The following ERCC6 variants were observed in gnomAD, a reference collection of about 807,000 sequenced individuals.
ERCC6 encodes the protein ERCC excision repair 6, chromatin remodeling factor, also known as DNA excision repair protein ERCC-6.
A neutral mutation model predicts 158.7 loss-of-function variants in ERCC6; 116 were observed. The observed-to-expected ratio is 0.73, with a 90% CI of 0.63 to 0.85. The LOEUF (loss-of-function observed/expected upper bound fraction) is 0.85, where lower values mean the gene tolerates loss of function less well. ERCC6 is among the 40% of genes least tolerant of loss of function. The pLI is 0.00. For missense variants in ERCC6, 1,698 were observed against 1,799.4 expected (o/e 0.94, Z 1.02); for synonymous variants, 678 against 659.3 (o/e 1.03, Z -0.43).
intron 8 of ERCC6, among the ~76,000 whole-genome samples, chr10:49,486,061 G>A (rs1027952982): frequency 2.0e-5 from 3 of 152,178 alleles, no homozygotes; most frequent in African/African-American, 7.2e-5. Context: ...AACAGAAAGA[G>A]GGATATTTTA....
chr10:49,490,235 G>C lies in ERCC6; in HGVS notation c.1821+2882C>G, dbSNP rs555167685. Among the ~76,000 whole-genome samples, 41 of 152,072 alleles carry C rather than the reference G, an allele frequency of 2.7e-4. No homozygotes were observed. The South Asian group carries it at 8.3e-3, about 31-fold the overall frequency. On this transcript the variant is annotated intron_variant, in intron 8 of 20. Coordinates refer to ENST00000355832, the MANE Select transcript of ERCC6 (RefSeq NM_000124.4). The stretch of plus-strand genomic sequence containing the variant: ...CTGCCAATCAGAGACTATTAACAAA[G>C]ATAACATAGGATCAAAGGGTGAGAG...
intron 5 of ERCC6, among the ~76,000 whole-genome samples, chr10:49,508,589 G>A (rs1438887855): frequency 6.6e-6 from 1 of 152,148 alleles, no homozygotes; most frequent in Non-Finnish European, 1.5e-5. Context: ...ATTATTGCCT[G>A]CAAGTATTTG....
chr10:49,451,328 G>A (rs1162455066), downstream of ERCC6, among the ~76,000 whole-genome samples: 2 of 152,024 alleles, frequency 1.3e-5, no homozygotes, highest in African/African-American at 4.8e-5. Flanking sequence ...TTAAATAGAA[G>A]TGTGATAATG....
intron 8 of ERCC6, among the ~76,000 whole-genome samples, chr10:49,492,565 T>G (rs1396628845): frequency 6.6e-6 from 1 of 152,172 alleles, no homozygotes; most frequent in East Asian, 1.9e-4. Context: ...ATAAAGCTCT[T>G]TTTTGATACT....
rs1405364511 is a variant in ERCC6, at chr10:49,483,392, T to C, written c.1946A>G (p.His649Arg). Residue 649 changes from histidine (H) to arginine (R), a missense_variant, in exon 9 of 21, where the codon CAC becomes CGC. Physicochemically the swap from His to Arg is conservative, Grantham distance 29. Coordinates refer to ENST00000355832, the MANE Select transcript of ERCC6 (RefSeq NM_000124.4). ...AGCAGCATTTGGATTTCGAATTTTGTGTCCTTCGTCCAAGATCACATAGTG... is the reference window on the plus strand; with the variant it reads ...AGCAGCATTTGGATTTCGAATTTTGCGTCCTTCGTCCAAGATCACATAGTG... ...DWHYVILDEG[H>R]KIRNPNAAVT... is the part of the protein sequence containing the mutation. 3 of 1,614,186 alleles carry C rather than the reference T, an allele frequency of 1.9e-6. No homozygotes were observed. The highest frequency in any genetic ancestry group is 2.5e-6 in the Non-Finnish European group (3 of 1,180,012).
intron 8 of ERCC6, among the ~76,000 whole-genome samples, chr10:49,486,598 A>G (rs1228189248): frequency 6.6e-6 from 1 of 152,226 alleles, no homozygotes; most frequent in Non-Finnish European, 1.5e-5. Flanking sequence ...GATGTAGAGA[A>G]TACAAAAGTG....
At chr10:49,448,767 T>G in the ERCC6 span, among the ~76,000 whole-genome samples, 1 of 152,202 alleles carries the variant, frequency 6.6e-6, no homozygotes, top group Non-Finnish European at 1.5e-5. Flanking sequence ...AGCAGGAAAT[T>G]TTAGAGGTTC....
At chr10:49,530,259 A>C (rs1837437971) in intron 3 of ERCC6, among the ~76,000 whole-genome samples, 1 of 152,218 alleles carries the variant, frequency 6.6e-6, no homozygotes, top group Non-Finnish European at 1.5e-5. Context: ...GATGGTCTCC[A>C]ACTTATCATG....
At chr10:49,485,397 TTGTA>T (rs1851059880) in intron 8 of ERCC6, among the ~76,000 whole-genome samples, 1 of 152,182 alleles carries the variant, frequency 6.6e-6, no homozygotes, top group Non-Finnish European at 1.5e-5. Flanking sequence ...AAAAAGAAGA[TTGTA>T]TGTGATATAC....
Position 49,532,548 on chromosome 10 carries a change from G to T in ERCC6, c.417C>A (p.Asp139Glu), listed in dbSNP as rs1471171212. ...AGAAGATGGGCTGCACTCACGTGAG[G>T]TCATCCAGGACCGACCGATACTCCT... ...VEKEYRSVLD[D>E]LTSCTTSLRQ... is the part of the protein sequence containing the mutation. The change falls in exon 2 of 21, where the codon GAC (aspartate) becomes GAA (glutamate). Residue 139 changes from aspartate to glutamate, a missense_variant. By Grantham distance (45) the Asp-to-Glu change is conservative. Transcript: ENST00000355832. The T allele has an allele frequency of 6.2e-6, 10 of 1,613,934 alleles. No homozygotes were observed. The highest frequency in any genetic ancestry group is 8.5e-6 in the Non-Finnish European group (10 of 1,180,038).
At chr10:49,435,468 G>C in the ERCC6 span, among the ~76,000 whole-genome samples, 1 of 152,110 alleles carries the variant, frequency 6.6e-6, no homozygotes, top group African/African-American at 2.4e-5. Flanking sequence ...ATCCCACGCA[G>C]AGCACAGTCT....
intron 3 of ERCC6, among the ~76,000 whole-genome samples, chr10:49,530,465 T>C (rs1837443122): frequency 6.6e-6 from 1 of 152,202 alleles, no homozygotes; most frequent in Non-Finnish European, 1.5e-5. Flanking sequence ...GTAACCCTGT[T>C]GTAAATCAAG....
At chr10:49,464,606 G>A (rs866159265) in intron 18 of ERCC6, among the ~76,000 whole-genome samples, 22 of 152,320 alleles carry the variant, frequency 1.4e-4, no homozygotes, top group Middle Eastern at 6.8e-3. Context: ...AGGCCCAGGG[G>A]GAAAAAGTGG....
In ERCC6 at chr10:49,482,833, C is replaced by T. The variant is rs1330291285; in HGVS notation, c.2023G>A (p.Gly675Ser). 1 of 1,613,830 alleles carries T rather than the reference C, an allele frequency of 6.2e-7. No homozygotes were observed. Among genetic ancestry groups the T allele is most frequent in the African/African-American group, 1.3e-5 (1 of 74,826 alleles). Residue 675 changes from glycine to serine, a missense_variant, in exon 10 of 21, where the codon GGC becomes AGC. Physicochemically the swap from Gly to Ser is moderately conservative, Grantham distance 56 (BLOSUM62 0). Coordinates refer to ENST00000355832, the MANE Select transcript of ERCC6 (RefSeq NM_000124.4). ...CGGAGGTTATTTTGCATCGGTGAGC[C>T]AGACAGAATGATCCGATGAGGGGTG... ...FRTPHRIILS[G>S]SPMQNNLREL...
At chr10:49,512,074 T>A (rs1836831252) in intron 5 of ERCC6, among the ~76,000 whole-genome samples, 1 of 152,214 alleles carries the variant, frequency 6.6e-6, no homozygotes, top group African/African-American at 2.4e-5. Flanking sequence ...TTTTAATTAA[T>A]TGCAGGTTAA....
chr10:49,488,499 C>T (rs1053795538), intron 8 of ERCC6: 1 of 152,168 alleles, frequency 6.6e-6, no homozygotes, highest in Non-Finnish European at 1.5e-5. Context: ...AGAACAAGCC[C>T]AGCATCTATC....
Position 49,524,700 on chromosome 10 carries a change from G to T in ERCC6, c.730C>A (p.Gln244Lys). 6.2e-7 allele frequency: 1 copy of T among 1,610,772 alleles called. No individual in the cohort carries two copies. Residue 244 changes from glutamine to lysine, a missense_variant, in exon 5 of 21, where the codon CAG (glutamine) becomes AAG (lysine). Transcript: ENST00000355832. ...TAWEELIRTG[Q>K]MTPFGTQIPQ... ...ATCTGGGTACCAAAAGGTGTCATCT[G>T]GCCAGTGCGGATGAGCTCTTCCCAG...
At position 49,460,414 on chromosome 10, in the gene ERCC6, C is replaced by G; in HGVS notation, c.4021G>C (p.Val1341Leu). 1 of 1,613,808 alleles carries G rather than the reference C, an allele frequency of 6.2e-7. No individual in the cohort carries two copies. The highest frequency in any genetic ancestry group is 8.5e-7 in the Non-Finnish European group (1 of 1,179,712). ...FGKKRNSNFS[V>L]QHPSSTSPTE... ...GGAGATGTTGATGAAGGATGCTGCA[C>G]AGAGAAGTTAGAATTCCTTTTCTTA... Residue 1341 changes from valine to leucine, a missense_variant, in exon 20 of 21, where the codon GTG becomes CTG. Transcript: ENST00000355832.
At chr10:49,495,144 C>A (rs2132567607) in intron 7 of ERCC6, among the ~76,000 whole-genome samples, 1 of 152,294 alleles carries the variant, frequency 6.6e-6, no homozygotes, top group South Asian at 2.1e-4. Flanking sequence ...CCACAAGCGG[C>A]ACTCCCATTA....
Sources: gnomAD v4.1 joint callset for allele counts (sites outside exome capture counted in the v4.1 genomes callset) on GRCh38, gnomAD v4.1.1 for gene constraint, MANE v1.5 for transcripts, NCBI Gene and HGNC (gene_info 2026-07-23, HGNC 2026-07-21) for gene names.